The following EPC2 variants were observed in gnomAD, a reference collection of about 807,000 sequenced individuals.
EPC2 encodes enhancer of polycomb homolog 2.
In EPC2, 14 loss-of-function variants were observed where a neutral mutation model predicts 92.1. The ratio of observed to expected loss-of-function variants is 0.15; its 90% confidence interval spans 0.10 to 0.24. The LOEUF is 0.24. Among genes scored for constraint, EPC2 ranks in the 10% least tolerant of loss-of-function variants. The probability of loss-of-function intolerance (pLI) is 1.00; values close to 1 mark genes in which losing one functional copy is unlikely to be tolerated. For missense variants in EPC2, 755 were observed against 971.5 expected (o/e 0.78, Z 2.96); for synonymous variants, 340 against 334.7 (o/e 1.02, Z -0.17).
chr2:148,671,779 A>G (rs983358712), intron 1 of EPC2, among the ~76,000 whole-genome samples: 4 of 152,116 alleles, frequency 2.6e-5, no homozygotes. Context: ...AAGCTCACAA[A>G]AATTCAGCTT....
intron 3 of EPC2, 81 bp from the exon 4 acceptor site, chr2:148,753,846 A>AT (rs1270309145): frequency 4.0e-6 from 5 of 1,243,316 alleles, no homozygotes; most frequent in Non-Finnish European, 5.6e-6. Context: ...AACTGGTCGC[A>AT]TTTTTTTCTA....
intron 10 of EPC2, among the ~76,000 whole-genome samples, chr2:148,774,451 A>G (rs1683582812): frequency 6.6e-6 from 1 of 151,204 alleles, no homozygotes; most frequent in Non-Finnish European, 1.5e-5. Flanking sequence ...ACATGGCAAA[A>G]CCCGGTTTCT....
At chr2:148,727,705 TG>T (rs1682525380) in intron 2 of EPC2, among the ~76,000 whole-genome samples, 1 of 152,230 alleles carries the variant, frequency 6.6e-6, no homozygotes, top group Admixed American at 6.5e-5. Flanking sequence ...AGAAAGATAC[TG>T]GGTTTGAACA....
rs1326345952 is a variant in EPC2, at chr2:148,677,133, T to C, written c.154-13081T>C. Among the ~76,000 whole-genome samples the C allele has an allele frequency of 2.6e-5, 4 of 152,226 alleles. No homozygotes were observed. The East Asian group carries it at 7.7e-4, about 29-fold the overall frequency. ...TTTACAACTAGTCATGTTTATTATATGAAACACAGTCCTCTAAAAACGTTT... is the reference window on the plus strand; with the variant it reads ...TTTACAACTAGTCATGTTTATTATACGAAACACAGTCCTCTAAAAACGTTT... On this transcript the variant is annotated intron_variant, in intron 1 of 13. Coordinates refer to ENST00000258484, the MANE Select transcript of EPC2 (RefSeq NM_015630.4).
intron 1 of EPC2, among the ~76,000 whole-genome samples, chr2:148,673,206 T>C (rs909104336): frequency 1.3e-5 from 2 of 152,200 alleles, no homozygotes; most frequent in African/African-American, 4.8e-5. Context: ...TCCTTTGAGC[T>C]TCCTGAATTT....
chr2:148,782,645 T>G (rs1339241861), intron 11 of EPC2, among the ~76,000 whole-genome samples: 3 of 152,112 alleles, frequency 2.0e-5, no homozygotes, highest in African/African-American at 4.8e-5. Context: ...GAGATAAGAA[T>G]AAAAATACTT....
In EPC2 at chr2:148,668,382, G is replaced by A. The variant is rs548614301; in HGVS notation, c.154-21832G>A. ...TGATTGCATTTCAGTTCATAAATAC[G>A]TATTTGTCTGTAGTTTTCTTTCCTT... On this transcript the variant is annotated intron_variant, in intron 1 of 13. Coordinates refer to ENST00000258484, the MANE Select transcript of EPC2 (RefSeq NM_015630.4). 3.3e-5 allele frequency among the ~76,000 whole-genome samples: 5 copies of A among 152,156 alleles called. No homozygotes were observed. In the South Asian group the frequency reaches 6.2e-4, roughly 19 times the overall value.
chr2:148,747,173 C>G (rs1045208505), intron 3 of EPC2, among the ~76,000 whole-genome samples: 1 of 151,774 alleles, frequency 6.6e-6, no homozygotes, highest in African/African-American at 2.4e-5. Context: ...TTCTATATAC[C>G]CTATTGACCT....
intron 1 of EPC2, among the ~76,000 whole-genome samples, chr2:148,678,330 T>G (rs1203731405): frequency 3.3e-5 from 5 of 152,238 alleles, no homozygotes; most frequent in Admixed American, 3.3e-4. Flanking sequence ...GGAGCCCAGC[T>G]GGCTTCACCC....
intron 2 of EPC2, among the ~76,000 whole-genome samples, chr2:148,737,134 T>G (rs1008212569): frequency 2.6e-5 from 4 of 152,164 alleles, no homozygotes; most frequent in African/African-American, 9.7e-5. Flanking sequence ...TTTTTTTGTT[T>G]GTTGATCGAT....
At chr2:148,756,612 C>T (rs1683195558) in intron 4 of EPC2, among the ~76,000 whole-genome samples, 1 of 152,194 alleles carries the variant, frequency 6.6e-6, no homozygotes, top group South Asian at 2.1e-4. Context: ...TCAGGGCATT[C>T]TTAAATGAGA....
chr2:148,725,047 G>A (rs764934804), intron 2 of EPC2, among the ~76,000 whole-genome samples: 36 of 152,140 alleles, frequency 2.4e-4, no homozygotes, highest in Non-Finnish European at 4.9e-4. Context: ...ATAGTGTTAA[G>A]AGAAATTGAA....
intron 1 of EPC2, among the ~76,000 whole-genome samples, chr2:148,685,222 T>C (rs763504858): frequency 2.8e-5 from 4 of 145,196 alleles, no homozygotes; most frequent in Non-Finnish European, 6.0e-5. Context: ...ACAAAAATTT[T>C]TAATTTTAAT....
At chr2:148,768,986 A>G (rs115781012) in intron 7 of EPC2, among the ~76,000 whole-genome samples, 165 bp from the exon 8 acceptor site, 1,898 of 152,348 alleles carry the variant, frequency 0.012, 38 homozygotes, top group African/African-American at 0.044. Flanking sequence ...ATTTTTAACT[A>G]TAGAAAATTT....
chr2:148,653,504 G>T (rs1005528468), intron 1 of EPC2, among the ~76,000 whole-genome samples: 2 of 152,198 alleles, frequency 1.3e-5, no homozygotes, highest in Admixed American at 6.5e-5. Flanking sequence ...ATGCAGAACC[G>T]CTTCTTACAG....
intron 4 of EPC2, among the ~76,000 whole-genome samples, chr2:148,754,849 T>C (rs1275179143): frequency 6.6e-6 from 1 of 152,224 alleles, no homozygotes. Context: ...AATGATATGG[T>C]ATAGAGGAAA....
intron 2 of EPC2, among the ~76,000 whole-genome samples, chr2:148,719,224 C>T (rs570490862): frequency 6.6e-6 from 1 of 152,298 alleles, no homozygotes; most frequent in East Asian, 1.9e-4. Context: ...TTACCACCTT[C>T]TGAAGTCTAC....
intron 3 of EPC2, among the ~76,000 whole-genome samples, chr2:148,750,821 A>G (rs1306257644): frequency 6.6e-6 from 1 of 152,090 alleles, no homozygotes; most frequent in East Asian, 1.9e-4. Context: ...CTTTGGTAGT[A>G]TTTAGGCTGT....
chr2:148,650,752 TA>T (rs1178927810), intron 1 of EPC2, among the ~76,000 whole-genome samples: 1 of 145,520 alleles, frequency 6.9e-6, no homozygotes, highest in Non-Finnish European at 1.5e-5. Context: ...GGAGAGGGTA[TA>T]AAATGCAGTT....
Sources: gnomAD v4.1 joint callset for allele counts (sites outside exome capture counted in the v4.1 genomes callset) on GRCh38, gnomAD v4.1.1 for gene constraint, MANE v1.5 for transcripts, NCBI Gene and HGNC (gene_info 2026-07-23, HGNC 2026-07-21) for gene names.